Variants in MAP4 observed in about 807,000 individuals in gnomAD.
MAP4 encodes the protein microtubule-associated protein 4.
A neutral mutation model predicts 170.2 loss-of-function variants in MAP4; 76 were observed. The observed-to-expected ratio is 0.45, with a 90% CI of 0.37 to 0.54. The LOEUF is 0.54. MAP4 is among the 20% of genes least tolerant of loss of function. MAP4 has a pLI of 0.00. For synonymous variants in MAP4, 909 were observed against 994.5 expected (o/e 0.91, Z 1.62); for missense variants, 2,506 against 2,748.0 (o/e 0.91, Z 1.97).
At position 47,918,768 on chromosome 3, in the gene MAP4, CTCTGAGTG is replaced by C; in HGVS notation, c.595_602del (p.His199ValfsTer48). The C allele has an allele frequency of 6.2e-7, 1 of 1,612,024 alleles. No homozygotes were observed. Among genetic ancestry groups the C allele is most frequent in the Non-Finnish European group, 8.5e-7 (1 of 1,178,140 alleles). ...CAACAGCCTCTGGGGAAACAAAGGA[CTCTGAGTG>C]TGGAGAGTTTAAGGCTTCCACAGAC... On this transcript the variant is annotated frameshift_variant, in exon 6 of 21. Transcript: ENST00000683076. LOFTEE classifies it high-confidence loss of function.
rs750530553 is a variant in MAP4 at position 47,916,419 on chromosome 3, C to T, written c.1408G>A (p.Ala470Thr). 9.3e-6 allele frequency: 15 copies of T among 1,613,924 alleles called. No individual in the cohort carries two copies. Among genetic ancestry groups the T allele is most frequent in the Non-Finnish European group, 1.2e-5 (14 of 1,179,956 alleles). ...LTKDKALPLE[A>T]EVAPVKDMAQ... ...ATGTCCTTGACTGGGGCCACCTCTGCTTCTAAAGGTAGTGCTTTATCCTTG... is the reference window on the plus strand; with the variant it reads ...ATGTCCTTGACTGGGGCCACCTCTGTTTCTAAAGGTAGTGCTTTATCCTTG... The change falls in exon 7 of 21, where the codon GCA becomes ACA. Residue 470 changes from alanine to threonine, a missense_variant. Around this residue, in one of 3 missense-constraint regions of MAP4, gnomAD observed 2,008 missense variants for 2,206.0 expected, o/e 0.91. Transcript: ENST00000683076.
intron 1 of MAP4, among the ~76,000 whole-genome samples, chr3:48,071,631 C>A (rs2100141068): frequency 6.6e-6 from 1 of 152,070 alleles, no homozygotes; most frequent in Non-Finnish European, 1.5e-5. Flanking sequence ...CTTCTAAATT[C>A]ATGAAAAAAG....
intron 1 of MAP4, among the ~76,000 whole-genome samples, chr3:48,056,438 T>TG (rs1424348091): frequency 1.0e-4 from 4 of 39,310 alleles, no homozygotes; most frequent in African/African-American, 2.1e-4. Flanking sequence ...GGGAGGGAGG[T>TG]GGGGGGGTCA....
At chr3:48,017,189 C>T (rs759295597), upstream of MAP4, among the ~76,000 whole-genome samples, 1 of 152,124 alleles carries the variant, frequency 6.6e-6, no homozygotes, top group Non-Finnish European at 1.5e-5. Context: ...GAGGCTGAGA[C>T]AAAGGATCGG....
At chr3:48,072,523 T>C (rs1165720160) in intron 1 of MAP4, among the ~76,000 whole-genome samples, 1 of 152,000 alleles carries the variant, frequency 6.6e-6, no homozygotes, top group African/African-American at 2.4e-5. Flanking sequence ...TATAAATTCA[T>C]GAAAAAACTA....
intron 1 of MAP4, among the ~76,000 whole-genome samples, chr3:48,078,673 C>T (rs1488122312): frequency 6.6e-6 from 1 of 151,986 alleles, no homozygotes; most frequent in Admixed American, 6.6e-5. Flanking sequence ...TTCTCTGCTC[C>T]CAATCCTTCC....
chr3:47,987,066 T>C (rs535293860), intron 2 of MAP4, among the ~76,000 whole-genome samples: 44 of 152,366 alleles, frequency 2.9e-4, no homozygotes, highest in Non-Finnish European at 6.0e-4. Context: ...TCAGTACCCC[T>C]GCGCCCTCAG....
intron 1 of MAP4, among the ~76,000 whole-genome samples, chr3:48,087,118 A>G (rs961866064): frequency 6.6e-6 from 1 of 152,234 alleles, no homozygotes; most frequent in Non-Finnish European, 1.5e-5. Context: ...ATTTGAAAGG[A>G]AGTGTGTAAC....
chr3:47,905,949 G>A (rs910558857), intron 9 of MAP4, among the ~76,000 whole-genome samples: 6 of 151,940 alleles, frequency 3.9e-5, no homozygotes, highest in African/African-American at 4.8e-5. Context: ...AGCCAAGATC[G>A]TGCCATTGCA....
chr3:48,038,913 G>A (rs1384115524), intron 1 of MAP4, among the ~76,000 whole-genome samples: 4 of 152,094 alleles, frequency 2.6e-5, no homozygotes, highest in Admixed American at 1.3e-4. Flanking sequence ...ATCAGCCTGG[G>A]CAACATGGTG....
chr3:47,866,478 G>A (rs752566020), intron 17 of MAP4, among the ~76,000 whole-genome samples: 5 of 151,876 alleles, frequency 3.3e-5, no homozygotes, highest in African/African-American at 7.3e-5. Context: ...TGGGAGGGCC[G>A]GGCGCAGTGT....
chr3:47,876,011 A>G, intron 11 of MAP4, 111 bp from the exon 12 acceptor site: 1 of 764,624 alleles, frequency 1.3e-6, no homozygotes, highest in African/African-American at 1.8e-5. Context: ...TTCAAAGTAA[A>G]ATTATAAGCA....
intron 3 of MAP4, among the ~76,000 whole-genome samples, chr3:47,941,896 G>A (rs1215474071): frequency 6.6e-6 from 1 of 151,804 alleles, no homozygotes. Context: ...TTTTTAAAAT[G>A]AGATAAGTAT....
intron 4 of MAP4, 47 bp from the exon 5 acceptor site, chr3:47,921,925 A>G: frequency 1.2e-6 from 1 of 829,858 alleles, no homozygotes; most frequent in South Asian, 1.4e-5. Context: ...GAATGCAACT[A>G]GAAAGATTAA....
rs2100035069 is a variant in MAP4, at chr3:47,909,842, G to A, written c.4579C>T (p.Leu1527Phe). The A allele has an allele frequency of 6.2e-7, 1 of 1,613,890 alleles. No individual in the cohort carries two copies. Among genetic ancestry groups the A allele is most frequent in the African/African-American group, 1.3e-5 (1 of 74,936 alleles). The change falls in exon 9 of 21, where the codon CTT (leucine) becomes TTT (phenylalanine). Residue 1527 changes from leucine (L) to phenylalanine (F), a missense_variant. This residue lies in a region of MAP4 where 2,008 missense variants were observed against 2,206.0 expected (regional missense o/e 0.91). Coordinates refer to ENST00000683076, the MANE Select transcript of MAP4 (RefSeq NM_001385682.1). Reference protein sequence around the residue: ...ETVNIHGDHSLKNKAELADSM... With the variant: ...ETVNIHGDHSFKNKAELADSM... ...TCAGCAAGCTCAGCTTTATTCTTAA[G>A]AGAGTGATCTCCATGAATGTTAACT... is the stretch of plus-strand genomic sequence containing the variant.
At chr3:48,065,100 A>G (rs1212134421) in intron 1 of MAP4, among the ~76,000 whole-genome samples, 1 of 152,226 alleles carries the variant, frequency 6.6e-6, no homozygotes, top group Non-Finnish European at 1.5e-5. Flanking sequence ...ACTGCACTCC[A>G]ACTTGGGTAA....
intron 1 of MAP4, among the ~76,000 whole-genome samples, chr3:48,024,067 T>G (rs1030696300): frequency 6.6e-6 from 1 of 152,168 alleles, no homozygotes; most frequent in Admixed American, 6.5e-5. Context: ...ATCCCAGCAC[T>G]TGGGGAGGCC....
At position 47,911,390 on chromosome 3, in the gene MAP4, C is replaced by A. The variant is rs1235817093; in HGVS notation, c.3031G>T (p.Glu1011Ter). 1.3e-6 allele frequency: 2 copies of A among 1,536,008 alleles called. No individual in the cohort carries two copies. Among genetic ancestry groups the A allele is most frequent in the South Asian group, 1.2e-5 (1 of 84,072 alleles). ...VKLKEFPEGA[E>*]EDKELKKEAF... ...TCCTTTTTTAGTTCTTTATCCTCTT[C>A]AGCTCCTTCAGGAAACTCCTTCAGT... The change falls in exon 9 of 21, where the codon GAA becomes TAA. Residue 1011 changes from glutamate (E) to a stop codon, truncating the protein, a stop_gained. Coordinates refer to ENST00000683076, the MANE Select transcript of MAP4 (RefSeq NM_001385682.1). LOFTEE classifies it high-confidence loss of function. The surrounding 1 kb of genome is among the most constrained non-coding windows in gnomAD (Gnocchi z 4.0).
chr3:48,034,223 G>A (rs1278337864), intron 1 of MAP4, among the ~76,000 whole-genome samples: 1 of 152,136 alleles, frequency 6.6e-6, no homozygotes, highest in African/African-American at 2.4e-5. Flanking sequence ...AATGCTTAGA[G>A]GACATTTCAC....
Sources: gnomAD v4.1 joint callset for allele counts (sites outside exome capture counted in the v4.1 genomes callset) on GRCh38, gnomAD v4.1.1 for gene constraint, gnomAD v4.1.1 regional missense constraint, Gnocchi (gnomAD v3.1) non-coding constraint, MANE v1.5 for transcripts, NCBI Gene and HGNC (gene_info 2026-07-23, HGNC 2026-07-21) for gene names.